Variants in ZMAT5 observed in about 807,000 individuals in gnomAD.
ZMAT5 encodes the protein zinc finger matrin-type 5, also known as zinc finger matrin-type protein 5.
Under a neutral mutation model 28.0 loss-of-function variants are expected in ZMAT5, and 23 were observed. The observed-to-expected ratio is 0.82, with a 90% CI of 0.59 to 1.16. The LOEUF (loss-of-function observed/expected upper bound fraction) is 1.16. Among genes scored for constraint, ZMAT5 ranks in the 50% most tolerant of loss-of-function variants. ZMAT5 has a pLI of 0.00. For synonymous variants in ZMAT5, 76 were observed against 84.1 expected (o/e 0.90, Z 0.52); for missense variants, 173 against 212.7 (o/e 0.81, Z 1.16).
chr22:29,738,392 C>T lies in ZMAT5; in HGVS notation c.321G>A (p.Glu107=), dbSNP rs2232902. The change falls in exon 5 of 6, where the codon GAG becomes GAA. Residue 107 remains glutamate, a synonymous_variant. Coordinates refer to ENST00000344318, the MANE Select transcript of ZMAT5 (RefSeq NM_001003692.2). ...TCTCCAGCCAGTCCTCCAGATGGCC[C>T]TCGGGGAGCTCAGGAGCATCTAGTA... ...EWLLDAPELP[E]GHLEDWLEKR... is the part of the protein sequence containing the mutation. 5.3e-4 allele frequency: 857 copies of T among 1,610,708 alleles called. 3 individuals carry two copies. In the African/African-American group the frequency reaches 0.01, roughly 20 times the overall value.
chr22:29,742,226 T>C (rs1184239053), intron 3 of ZMAT5, among the ~76,000 whole-genome samples, 192 bp downstream of exon 3: 1 of 152,172 alleles, frequency 6.6e-6, no homozygotes. Context: ...TCTGAAGAGC[T>C]GAGGACCAGA....
intron 1 of ZMAT5, among the ~76,000 whole-genome samples, chr22:29,766,554 C>T (rs1259619012): frequency 6.6e-6 from 1 of 152,240 alleles, no homozygotes; most frequent in African/African-American, 2.4e-5. Flanking sequence ...GCCCCAGGTA[C>T]TCCAAAGCCC....
intron 5 of ZMAT5, among the ~76,000 whole-genome samples, chr22:29,735,507 C>T (rs2067895746): frequency 6.6e-6 from 1 of 152,248 alleles, no homozygotes; most frequent in Non-Finnish European, 1.5e-5. Context: ...CCTGCTGCTG[C>T]CACTGCCACT....
intron 1 of ZMAT5, among the ~76,000 whole-genome samples, chr22:29,751,156 C>T (rs925323896): frequency 1.3e-5 from 2 of 152,080 alleles, no homozygotes; most frequent in East Asian, 1.9e-4. Flanking sequence ...AGCTTGCTGG[C>T]GCTGGAGAGT....
At chr22:29,759,891 C>A (rs554251775) in intron 1 of ZMAT5, among the ~76,000 whole-genome samples, 1 of 151,822 alleles carries the variant, frequency 6.6e-6, no homozygotes, top group Non-Finnish European at 1.5e-5. Flanking sequence ...CATGGTGAAA[C>A]CCTGTCTCTA....
intron 5 of ZMAT5, among the ~76,000 whole-genome samples, chr22:29,733,861 G>A: frequency 6.6e-6 from 1 of 152,350 alleles, no homozygotes; most frequent in African/African-American, 2.4e-5. Flanking sequence ...CCCAGTGCCT[G>A]CTCACACACA....
intron 2 of ZMAT5, among the ~76,000 whole-genome samples, chr22:29,744,511 C>T (rs1306978431): frequency 1.3e-5 from 2 of 151,728 alleles, no homozygotes; most frequent in African/African-American, 4.8e-5. Context: ...CCAGCTGGTG[C>T]TACAGACACC....
At chr22:29,745,185 G>A (rs2067998457) in intron 2 of ZMAT5, among the ~76,000 whole-genome samples, 1 of 152,196 alleles carries the variant, frequency 6.6e-6, no homozygotes, top group Non-Finnish European at 1.5e-5. Flanking sequence ...CAAACGACCT[G>A]ACCCGTTCTA....
chr22:29,735,427 C>A (rs1018146433), intron 5 of ZMAT5, among the ~76,000 whole-genome samples: 2 of 152,164 alleles, frequency 1.3e-5, no homozygotes, highest in African/African-American at 4.8e-5. Flanking sequence ...AGGGCTCAGA[C>A]CCCCTACAGC....
At chr22:29,736,800 G>A (rs1211509299) in intron 5 of ZMAT5, among the ~76,000 whole-genome samples, 6 of 151,378 alleles carry the variant, frequency 4.0e-5, no homozygotes, top group Non-Finnish European at 8.8e-5. Flanking sequence ...TGAGGCGGGT[G>A]GATCAGGAGG....
chr22:29,736,704 A>C (rs2067907763), intron 5 of ZMAT5, among the ~76,000 whole-genome samples: 1 of 123,066 alleles, frequency 8.1e-6, no homozygotes, highest in Non-Finnish European at 1.6e-5. Context: ...TGGGTGACAG[A>C]GCGAGACTCC....
rs532357444 is a variant in ZMAT5 at position 29,734,710 on chromosome 22, CA to C, written c.384-3357del. On this transcript the variant is annotated intron_variant, in intron 5 of 5. Coordinates refer to ENST00000344318, the MANE Select transcript of ZMAT5 (RefSeq NM_001003692.2). The stretch of plus-strand genomic sequence containing the variant: ...GCATGCGCAAGGTGCTCCAAAATCA[CA>C]AATGATGCCTCATCTAAGCTGCTGC... Among the ~76,000 whole-genome samples the C allele has an allele frequency of 7.9e-5, 12 of 152,328 alleles. No individual in the cohort carries two copies. In the East Asian group the frequency reaches 2.3e-3, roughly 29 times the overall value.
At chr22:29,761,478 A>G (rs1282479834) in intron 1 of ZMAT5, among the ~76,000 whole-genome samples, 1 of 151,510 alleles carries the variant, frequency 6.6e-6, no homozygotes, top group Non-Finnish European at 1.5e-5. Flanking sequence ...CCCAGCTACT[A>G]CTGCTCAAGA....
chr22:29,754,075 C>T (rs758659341), intron 1 of ZMAT5, among the ~76,000 whole-genome samples: 21 of 152,054 alleles, frequency 1.4e-4, no homozygotes, highest in Non-Finnish European at 2.5e-4. Context: ...CCTGCACCAC[C>T]GTACTTGGCA....
intron 1 of ZMAT5, among the ~76,000 whole-genome samples, chr22:29,752,063 C>A (rs1007366770): frequency 3.3e-5 from 5 of 152,162 alleles, no homozygotes; most frequent in African/African-American, 1.2e-4. Flanking sequence ...CCTTCAAGCC[C>A]CAAGAGGTGT....
At chr22:29,747,995 G>A (rs2068023954) in intron 2 of ZMAT5, 4 of 281,594 alleles carry the variant, frequency 1.4e-5, no homozygotes, top group South Asian at 1.4e-4. Flanking sequence ...GCCTCCACAG[G>A]CTTGGAAGAT....
intron 4 of ZMAT5, 55 bp downstream of exon 4, chr22:29,740,595 G>T (rs547918634): frequency 4.7e-5 from 71 of 1,522,290 alleles, no homozygotes; most frequent in South Asian, 2.7e-4. Context: ...CGGTCTCAGA[G>T]CCCACATGCC....
At chr22:29,755,881 C>T (rs531008872) in intron 1 of ZMAT5, among the ~76,000 whole-genome samples, 1 of 152,366 alleles carries the variant, frequency 6.6e-6, no homozygotes, top group South Asian at 2.1e-4. Flanking sequence ...ACAGCCAAGG[C>T]ACACCAGAGC....
intron 1 of ZMAT5, among the ~76,000 whole-genome samples, chr22:29,759,108 G>C (rs534221744): frequency 6.6e-6 from 1 of 152,226 alleles, no homozygotes; most frequent in East Asian, 1.9e-4. Context: ...GGCTGAGCCT[G>C]AATCTGGGCT....
Sources: allele counts gnomAD v4.1 joint callset (sites outside exome capture counted in the v4.1 genomes callset), GRCh38; gene constraint gnomAD v4.1.1; transcripts MANE v1.5; gene names NCBI Gene and HGNC (gene_info 2026-07-23, HGNC 2026-07-21).